SDC4: variants seen among roughly 807,000 people sequenced by gnomAD.
The protein encoded by SDC4 is syndecan-4.
In SDC4, 17 loss-of-function variants were observed where a neutral mutation model predicts 20.5. The ratio of observed to expected loss-of-function variants is 0.83; its 90% confidence interval spans 0.57 to 1.25. The LOEUF is 1.25. Among genes scored for constraint, SDC4 ranks in the 50% most tolerant of loss-of-function variants. The pLI is 0.00. For missense variants in SDC4, 241 were observed against 252.3 expected (o/e 0.96, Z 0.30); for synonymous variants, 107 against 105.3 (o/e 1.02, Z -0.10).
chr20:45,339,958 ACAAGGGATTTTGC>A (rs1228450896), intron 1 of SDC4, among the ~76,000 whole-genome samples: 2 of 152,154 alleles, frequency 1.3e-5, no homozygotes, highest in Non-Finnish European at 2.9e-5. Context: ...AACAGACAAG[ACAAGGGATTTTGC>A]CAAGGTCATC....
intron 2 of SDC4, among the ~76,000 whole-genome samples, chr20:45,334,540 G>A (rs1987832074): frequency 2.0e-5 from 3 of 151,652 alleles, no homozygotes; most frequent in Non-Finnish European, 2.9e-5. Context: ...CCAGGCTGGA[G>A]TGCAATGGCG....
intron 1 of SDC4, among the ~76,000 whole-genome samples, chr20:45,344,845 G>C (rs1988008238): frequency 6.6e-6 from 1 of 152,194 alleles, no homozygotes; most frequent in South Asian, 2.1e-4. Flanking sequence ...CTGAGACCCA[G>C]AGACAGGGCA....
At chr20:45,332,058 T>A (rs1019694308) in intron 3 of SDC4, among the ~76,000 whole-genome samples, 3 of 152,172 alleles carry the variant, frequency 2.0e-5, no homozygotes, top group African/African-American at 7.2e-5. Flanking sequence ...TCAGGTAAAC[T>A]ATTACGCAGC....
intron 4 of SDC4, among the ~76,000 whole-genome samples, chr20:45,330,146 A>C (rs2070640): frequency 0.26 from 39,611 of 152,202 alleles, 5,418 homozygotes; most frequent in East Asian, 0.41. Context: ...TTTCCAGAAG[A>C]CTTTGATAGG....
intron 1 of SDC4, among the ~76,000 whole-genome samples, chr20:45,337,876 G>C (rs541649836): frequency 1.3e-5 from 2 of 152,236 alleles, no homozygotes; most frequent in African/African-American, 2.4e-5. Context: ...TGGCACCCGT[G>C]GGGGTGGAAA....
At position 45,333,077 on chromosome 20, in the gene SDC4, G is replaced by A. The variant is rs1301357021; in HGVS notation, c.200-8C>T. 6.2e-7 allele frequency: 1 copy of A among 1,613,944 alleles called. No homozygotes were observed. The highest frequency in any genetic ancestry group is 8.5e-7 in the Non-Finnish European group (1 of 1,179,914). Reference sequence around the variant, plus strand: ...TGGAGTCTTCCAAGTCATCTGTAAGGTCAGAATAGCTGTGTGAGTGAGGTC... The same window carrying A: ...TGGAGTCTTCCAAGTCATCTGTAAGATCAGAATAGCTGTGTGAGTGAGGTC... On this transcript the variant is annotated splice_polypyrimidine_tract_variant and splice_region_variant and intron_variant, in intron 2 of 4. Coordinates refer to ENST00000372733, the MANE Select transcript of SDC4 (RefSeq NM_002999.4).
At position 45,326,999 on chromosome 20, in the gene SDC4, TAAG is replaced by T. The variant is rs894806181; in HGVS notation, c.*262_*264del. 5 of 403,552 alleles carry T rather than the reference TAAG, an allele frequency of 1.2e-5. No individual in the cohort carries two copies. The highest frequency in any genetic ancestry group is 9.9e-5 in the African/African-American group (5 of 50,372). 25.0% of individuals were successfully genotyped at this position (403,552 alleles called of 1,614,324 possible). A position where few individuals can be genotyped will look rare whatever the true frequency, so the allele number is the denominator to read the frequency against. On this transcript the variant is annotated 3_prime_UTR_variant, in exon 5 of 5. Coordinates refer to ENST00000372733, the MANE Select transcript of SDC4 (RefSeq NM_002999.4). ...GGACCTAGATTCTTAACTGGAAGTT[TAAG>T]AAGTGATCCAATCCCAGTCTTGCCT...
At position 45,348,393 on chromosome 20, in the gene SDC4, G is replaced by A. The variant is rs760647418; in HGVS notation, c.-9C>T. ...AGACGGGCGGGGGCCATGGCACCGCGGACTGGAGAAGGCGCGCAGGCTGCG... is the reference window on the plus strand; with the variant it reads ...AGACGGGCGGGGGCCATGGCACCGCAGACTGGAGAAGGCGCGCAGGCTGCG... On this transcript the variant is annotated 5_prime_UTR_variant, in exon 1 of 5. Coordinates refer to ENST00000372733, the MANE Select transcript of SDC4 (RefSeq NM_002999.4). 6.4e-6 allele frequency: 10 copies of A among 1,566,016 alleles called. No homozygotes were observed. In the East Asian group the frequency reaches 1.5e-4, roughly 23 times the overall value.
In SDC4 at chr20:45,335,714, C is replaced by T. The variant is rs973760003; in HGVS notation, c.199+68G>A. The T allele has an allele frequency of 5.8e-6, 9 of 1,549,148 alleles. No homozygotes were observed. In the Admixed American group the frequency reaches 8.6e-5, roughly 15 times the overall value. On this transcript the variant is annotated intron_variant, in intron 2 of 4. Transcript: ENST00000372733. ...ATCCAAGTCTCAAGGCATGGTCACC[C>T]TCCTGGCTGGTGAAGCCACCACTCC...
chr20:45,338,994 A>G (rs921960793), intron 1 of SDC4, among the ~76,000 whole-genome samples: 2 of 152,060 alleles, frequency 1.3e-5, no homozygotes, highest in African/African-American at 4.8e-5. Flanking sequence ...AGGGAATTAA[A>G]TCTCTCCTTG....
chr20:45,346,238 T>C (rs1373820804), intron 1 of SDC4, among the ~76,000 whole-genome samples: 1 of 152,180 alleles, frequency 6.6e-6, no homozygotes, highest in African/African-American at 2.4e-5. Context: ...GTCTGATTTT[T>C]CCAACCACAA....
At chr20:45,346,331 AG>A (rs1988031785) in intron 1 of SDC4, among the ~76,000 whole-genome samples, 1 of 152,190 alleles carries the variant, frequency 6.6e-6, no homozygotes, top group Non-Finnish European at 1.5e-5. Context: ...TTAGCCAGGA[AG>A]GGGAGAGCTG....
intron 1 of SDC4, among the ~76,000 whole-genome samples, chr20:45,336,456 A>C (rs1286995646): frequency 6.6e-6 from 1 of 152,224 alleles, no homozygotes; most frequent in African/African-American, 2.4e-5. Context: ...TCAAATTATT[A>C]ATATGGCTAG....
At chr20:45,329,467 A>AGATACCAG in intron 4 of SDC4, among the ~76,000 whole-genome samples, 1 of 152,392 alleles carries the variant, frequency 6.6e-6, no homozygotes, top group South Asian at 2.1e-4. Context: ...ACTTTGGCTC[A>AGATACCAG]GATACCAGGA....
Position 45,326,496 on chromosome 20 carries a change from G to A in SDC4, c.*768C>T. ...AAACCATTAAATACAAACTTAGCAG[G>A]TGCTGTGGAAATGTGCGAGAGAATG... On this transcript the variant is annotated 3_prime_UTR_variant, in exon 5 of 5. Coordinates refer to ENST00000372733, the MANE Select transcript of SDC4 (RefSeq NM_002999.4). 1 of 151,912 alleles carries A rather than the reference G, an allele frequency of 6.6e-6. No homozygotes were observed. Among genetic ancestry groups the A allele is most frequent in the Non-Finnish European group, 1.5e-5 (1 of 68,004 alleles). The allele number at this position is 151,912 out of a possible 1,614,324, so 9.4% of individuals were successfully genotyped here.
chr20:45,336,135 G>A (rs933974665), intron 1 of SDC4, among the ~76,000 whole-genome samples: 4 of 152,216 alleles, frequency 2.6e-5, no homozygotes, highest in Non-Finnish European at 2.9e-5. Flanking sequence ...ACATGAGGCT[G>A]GGCACAGTGG....
chr20:45,331,068 T>G (rs1029843798), intron 3 of SDC4, among the ~76,000 whole-genome samples: 4 of 152,310 alleles, frequency 2.6e-5, no homozygotes, highest in African/African-American at 9.6e-5. Context: ...TTCTACCTTG[T>G]GCAAGATCCA....
At chr20:45,346,661 C>T (rs892698161) in intron 1 of SDC4, among the ~76,000 whole-genome samples, 3 of 152,228 alleles carry the variant, frequency 2.0e-5, no homozygotes, top group African/African-American at 7.2e-5. Flanking sequence ...ACACATCCTT[C>T]AGGGCCTAGT....
chr20:45,337,415 T>C (rs1306311345), intron 1 of SDC4, among the ~76,000 whole-genome samples: 1 of 152,186 alleles, frequency 6.6e-6, no homozygotes, highest in East Asian at 1.9e-4. Flanking sequence ...AATCACAGAA[T>C]GCCAGGACCC....
Sources: allele counts gnomAD v4.1 joint callset (sites outside exome capture counted in the v4.1 genomes callset), GRCh38; gene constraint gnomAD v4.1.1; transcripts MANE v1.5; gene names NCBI Gene and HGNC (gene_info 2026-07-23, HGNC 2026-07-21).